BBIP1: variants seen among roughly 807,000 people sequenced by gnomAD.
BBIP1 encodes BBSome-interacting protein 1.
Under a neutral mutation model 8.9 loss-of-function variants are expected in BBIP1, and 6 were observed. That is an observed-to-expected ratio of 0.67 (90% confidence interval 0.37 to 1.33). The LOEUF (loss-of-function observed/expected upper bound fraction) is 1.33, where lower values mean the gene tolerates loss of function less well. Among genes scored for constraint, BBIP1 ranks in the 40% most tolerant of loss-of-function variants. The pLI is 0.02. For missense variants in BBIP1, 111 were observed against 109.2 expected (o/e 1.02, Z -0.07); for synonymous variants, 32 against 33.4 (o/e 0.96, Z 0.14).
upstream of BBIP1, chr10:110,919,296 C>T (rs542804876): frequency 5.8e-5 from 19 of 327,372 alleles, no homozygotes; most frequent in African/African-American, 4.0e-4. Context: ...TCACTCTACC[C>T]TGCTGGAGGC....
Position 110,900,354 on chromosome 10 carries a change from TATC to T in BBIP1, c.*3_*5del, listed in dbSNP as rs1365893514. The T allele has an allele frequency of 5.2e-6, 8 of 1,533,722 alleles. No homozygotes were observed. Among genetic ancestry groups the T allele is most frequent in the African/African-American group, 4.1e-5 (3 of 73,068 alleles). ...CAGGTTGTTCCCTAAAGTGCTCAGT[TATC>T]ATTCAGTGGGTTATTTGCCGTTGAT... is the stretch of plus-strand genomic sequence containing the variant. On this transcript the variant is annotated 3_prime_UTR_variant, in exon 4 of 4. Coordinates refer to ENST00000448814, the MANE Select transcript of BBIP1 (RefSeq NM_001195305.3).
chr10:110,905,439 G>GT (rs1276169867), intron 2 of BBIP1, among the ~76,000 whole-genome samples: 1 of 152,092 alleles, frequency 6.6e-6, no homozygotes, highest in Admixed American at 6.5e-5. Flanking sequence ...GTGGGCGCCT[G>GT]TAGTCCCAGC....
intron 2 of BBIP1, 151 bp from the exon 3 acceptor site, chr10:110,901,763 C>A: frequency 1.6e-6 from 1 of 632,508 alleles, no homozygotes. Context: ...TTCCTGTGAC[C>A]TTGGGATAGT....
chr10:110,905,486 T>C (rs375213375), intron 2 of BBIP1, among the ~76,000 whole-genome samples: 2 of 151,796 alleles, frequency 1.3e-5, no homozygotes, highest in African/African-American at 4.8e-5. Context: ...GGCGTGAACC[T>C]GGGAGGCGGA....
upstream of BBIP1, chr10:110,919,276 C>T (rs1846545067): frequency 1.0e-5 from 3 of 294,612 alleles, no homozygotes; most frequent in South Asian, 4.9e-4. Context: ...AACTTCCGAT[C>T]GGGGAGTTGT....
At chr10:110,911,090 A>C (rs1229995706) in intron 2 of BBIP1, 4 of 152,222 alleles carry the variant, frequency 2.6e-5, no homozygotes, top group Non-Finnish European at 4.4e-5. Context: ...TGGTGCATTA[A>C]AGATATAATT....
At chr10:110,917,324 T>C (rs569316472) in intron 2 of BBIP1, among the ~76,000 whole-genome samples, 1 of 152,040 alleles carries the variant, frequency 6.6e-6, no homozygotes, top group East Asian at 1.9e-4. Context: ...ATAATGATAT[T>C]GTGTTTTGCT....
At position 110,918,123 on chromosome 10, in the gene BBIP1, G is replaced by T. The variant is rs1340448601; in HGVS notation, c.35C>A (p.Ser12Ter). Residue 12 changes from serine to a stop codon, truncating the protein, a stop_gained and splice_region_variant, in exon 2 of 4, where the codon TCA becomes TAA. Coordinates refer to ENST00000448814, the MANE Select transcript of BBIP1 (RefSeq NM_001195305.3). LOFTEE classifies it high-confidence loss of function. ...LKAAAKRPEL[S>*]GKNTISNNSD... ...ATATTAACCATTTTCAATTTTACCT[G>T]AAAGTTCTGGTCTTTTTGCTGCAGC... is the stretch of plus-strand genomic sequence containing the variant. 6.5e-7 allele frequency: 1 copy of T among 1,535,766 alleles called. No homozygotes were observed. The highest frequency in any genetic ancestry group is 2.0e-5 in the Admixed American group (1 of 50,994).
At chr10:110,919,257 T>G (rs991175396), upstream of BBIP1, 13 of 253,386 alleles carry the variant, frequency 5.1e-5, no homozygotes, top group African/African-American at 2.9e-4. Flanking sequence ...CCGCCTTAGC[T>G]TCAACAGTAA....
rs971248810 is a variant in BBIP1, at chr10:110,899,267, G to A, written c.*1093C>T. ...AGAATTTATGAGGGTACTGTTAGGAGTATACTGCTTACAGGTTTAGATATA... is the reference window on the plus strand; with the variant it reads ...AGAATTTATGAGGGTACTGTTAGGAATATACTGCTTACAGGTTTAGATATA... On this transcript the variant is annotated 3_prime_UTR_variant, in exon 4 of 4. Transcript: ENST00000448814. The A allele has an allele frequency of 1.3e-5, 2 of 152,172 alleles. No individual in the cohort carries two copies. Among genetic ancestry groups the A allele is most frequent in the African/African-American group, 4.8e-5 (2 of 41,438 alleles). The allele number at this position is 152,172 out of a possible 1,614,324, so 9.4% of individuals were successfully genotyped here.
At chr10:110,907,467 C>A in intron 2 of BBIP1, 1 of 377,584 alleles carries the variant, frequency 2.6e-6, no homozygotes, top group Non-Finnish European at 4.7e-6. Context: ...GAGATATGAT[C>A]ACGCCACTGC....
chr10:110,909,300 C>T (rs375686117), intron 2 of BBIP1, among the ~76,000 whole-genome samples: 1 of 151,990 alleles, frequency 6.6e-6, no homozygotes, highest in Non-Finnish European at 1.5e-5. Context: ...TGGGTTCAAG[C>T]GATTCCCCAG....
chr10:110,906,722 GC>G (rs1390183977), intron 2 of BBIP1: 1 of 152,216 alleles, frequency 6.6e-6, no homozygotes, highest in Non-Finnish European at 1.5e-5. Flanking sequence ...ACCATGCCCG[GC>G]TAATTTTTGT....
intron 2 of BBIP1, among the ~76,000 whole-genome samples, chr10:110,905,176 T>C (rs1299612736): frequency 6.6e-6 from 1 of 152,204 alleles, no homozygotes; most frequent in African/African-American, 2.4e-5. Flanking sequence ...TGTCATGAAA[T>C]ATTTTACTCT....
chr10:110,908,409 ATTTCTAC>A (rs1280128864), intron 2 of BBIP1, among the ~76,000 whole-genome samples: 3 of 152,188 alleles, frequency 2.0e-5, no homozygotes, highest in Non-Finnish European at 4.4e-5. Flanking sequence ...TATGGGCCTT[ATTTCTAC>A]TTTCTATTAC....
At chr10:110,918,265 G>C in intron 1 of BBIP1, 52 bp from the exon 2 acceptor site, 8 of 963,548 alleles carry the variant, frequency 8.3e-6, no homozygotes, top group Non-Finnish European at 1.2e-5. Context: ...AAGCAATACA[G>C]TATTTTCAAA....
chr10:110,902,726 CTT>C (rs1204238877), intron 2 of BBIP1: 1 of 152,216 alleles, frequency 6.6e-6, no homozygotes, highest in African/African-American at 2.4e-5. Context: ...CTTTCCAGAA[CTT>C]TGTCATCAAA....
At chr10:110,903,893 G>A (rs1298071755) in intron 2 of BBIP1, 1 of 152,192 alleles carries the variant, frequency 6.6e-6, no homozygotes, top group Non-Finnish European at 1.5e-5. Flanking sequence ...ACAAAGTAAA[G>A]TGTTCTGCCA....
chr10:110,907,356 T>G (rs138552647), intron 2 of BBIP1: 95 of 166,962 alleles, frequency 5.7e-4, no homozygotes, highest in African/African-American at 2.2e-3. Flanking sequence ...TACAAAAAAT[T>G]AACAAAAATT....
Sources: allele counts gnomAD v4.1 joint callset (sites outside exome capture counted in the v4.1 genomes callset), GRCh38; gene constraint gnomAD v4.1.1; transcripts MANE v1.5; gene names NCBI Gene and HGNC (gene_info 2026-07-23, HGNC 2026-07-21).